The following NIPSNAP3A variants were observed in gnomAD, a reference collection of about 807,000 sequenced individuals.
NIPSNAP3A encodes the protein nipsnap homolog 3A.
A neutral mutation model predicts 32.3 loss-of-function variants in NIPSNAP3A; 27 were observed. That is an observed-to-expected ratio of 0.84 (90% CI 0.62 to 1.15). The LOEUF is 1.15. NIPSNAP3A is among the 50% of genes most tolerant of loss of function. The pLI, the probability that NIPSNAP3A is intolerant of heterozygous loss-of-function variation, is 0.00. For synonymous variants in NIPSNAP3A, 108 were observed against 107.3 expected, an observed-to-expected ratio of 1.01 and a Z score of -0.04; for missense variants, 278 against 297.2, an observed-to-expected ratio of 0.94 and a Z score of 0.48.
rs115287790 is a variant in NIPSNAP3A at position 104,755,658 on chromosome 9, T to A, written c.580+958T>A. Among the ~76,000 whole-genome samples the A allele has an allele frequency of 7.6e-3, 1,150 of 152,266 alleles. 13 individuals are homozygous for A. The highest frequency in any genetic ancestry group is 0.027 in the African/African-American group (1,105 of 41,538). On this transcript the variant is annotated intron_variant, in intron 4 of 5. Transcript: ENST00000374767. The stretch of plus-strand genomic sequence containing the variant: ...ATAAAAGAGCTGATGAGGTAGCTCA[T>A]ACCTGTAATTCCAGCGCTTTTGGGA...
At chr9:104,759,008 G>GGT in intron 4 of NIPSNAP3A, 77 bp from the exon 5 acceptor site, 1 of 1,175,334 alleles carries the variant, frequency 8.5e-7, no homozygotes, top group Non-Finnish European at 1.2e-6. Context: ...AATAGGATGG[G>GGT]TTTGATTCAT....
chr9:104,751,133 A>C lies in NIPSNAP3A; in HGVS notation c.238A>C (p.Arg80=), dbSNP rs1283412648. 6.2e-7 allele frequency: 1 copy of C among 1,613,610 alleles called. No homozygotes were observed. The highest frequency in any genetic ancestry group is 8.5e-7 in the Non-Finnish European group (1 of 1,179,626). Residue 80 remains arginine, a synonymous_variant, in exon 2 of 6, where the codon AGA becomes CGA. Coordinates refer to ENST00000374767, the MANE Select transcript of NIPSNAP3A (RefSeq NM_015469.3). The stretch of plus-strand genomic sequence containing the variant: ...ATACTGGAGTGTAGAATTTGGAGGC[A>C]GAATGAATACAGTGTTTCATATTTG... ...VGYWSVEFGG[R]MNTVFHIWKY...
intron 2 of NIPSNAP3A, among the ~76,000 whole-genome samples, chr9:104,752,500 A>T (rs947930491): frequency 6.6e-6 from 1 of 152,206 alleles, no homozygotes; most frequent in Non-Finnish European, 1.5e-5. Flanking sequence ...TAGTTCACAT[A>T]TACTGAGTAT....
At position 104,757,617 on chromosome 9, in the gene NIPSNAP3A, AC is replaced by A. The variant is rs1405684885; in HGVS notation, c.581-1467del. Reference sequence around the variant, plus strand: ...TGTTAATATTGTTTACATTAAAGAAACATTGGAAATGTAGTATGACCTTCTT... The same window carrying A: ...TGTTAATATTGTTTACATTAAAGAAAATTGGAAATGTAGTATGACCTTCTT... On this transcript the variant is annotated intron_variant, in intron 4 of 5. Coordinates refer to ENST00000374767, the MANE Select transcript of NIPSNAP3A (RefSeq NM_015469.3). 1.1e-4 allele frequency among the ~76,000 whole-genome samples: 17 copies of A among 152,348 alleles called. No homozygotes were observed. The East Asian group carries it at 1.7e-3, about 16-fold the overall frequency.
intron 3 of NIPSNAP3A, chr9:104,753,625 A>T (rs1039771960): frequency 1.6e-4 from 25 of 152,954 alleles, no homozygotes; most frequent in Admixed American, 6.5e-4. Flanking sequence ...TGCTGATTTC[A>T]CTTCTTGCTG....
intron 4 of NIPSNAP3A, among the ~76,000 whole-genome samples, chr9:104,757,002 C>T (rs1220343160): frequency 6.6e-6 from 1 of 151,888 alleles, no homozygotes; most frequent in Non-Finnish European, 1.5e-5. Flanking sequence ...CAGGATTTCA[C>T]CAGGCTGGTC....
intron 1 of NIPSNAP3A, 77 bp downstream of exon 1, chr9:104,747,929 C>A: frequency 1.5e-6 from 2 of 1,366,558 alleles, no homozygotes; most frequent in Non-Finnish European, 2.0e-6. Flanking sequence ...CGGGTACGTG[C>A]GAGCAATGCG....
rs1827941435 is a variant in NIPSNAP3A at position 104,759,047 on chromosome 9, C to CATATTTTT, written c.581-37_581-30dup. 8.3e-6 allele frequency: 13 copies of CATATTTTT among 1,573,580 alleles called. No homozygotes were observed. The East Asian group carries it at 3.0e-4, about 36-fold the overall frequency. On this transcript the variant is annotated intron_variant, in intron 4 of 5. Coordinates refer to ENST00000374767, the MANE Select transcript of NIPSNAP3A (RefSeq NM_015469.3). ...TCTGTTATTTCTTATTTGTTAAGGCCATATTTTTTAGAAGCTACTTGTGGT... is the reference window on the plus strand; with the variant it reads ...TCTGTTATTTCTTATTTGTTAAGGCCATATTTTTATATTTTTTAGAAGCTACTTGTGGT...
In NIPSNAP3A at chr9:104,759,411, A is replaced by C; in HGVS notation, c.*73A>C. The C allele has an allele frequency of 6.9e-7, 1 of 1,446,028 alleles. No homozygotes were observed. The highest frequency in any genetic ancestry group is 9.6e-7 in the Non-Finnish European group (1 of 1,036,644). 89.6% of individuals were successfully genotyped at this position (1,446,028 alleles called of 1,614,324 possible). ...CTGCTAATGGTGCTTAAATTCTCCC[A>C]AGAGGTTCTCACTTTTATTTGAAGG... On this transcript the variant is annotated 3_prime_UTR_variant, in exon 6 of 6. Transcript: ENST00000374767.
chr9:104,747,889 G>T (rs762635103), intron 1 of NIPSNAP3A, 37 bp downstream of exon 1: 8 of 1,431,880 alleles, frequency 5.6e-6, no homozygotes, highest in Non-Finnish European at 6.5e-6. Context: ...TTCACCCGAC[G>T]GGAGGGGAGG....
In NIPSNAP3A at chr9:104,747,697, A is replaced by C; in HGVS notation, c.-96A>C. The stretch of plus-strand genomic sequence containing the variant: ...AGCCCCGCCCCAGCCTGCGTCTGCC[A>C]ATGATCCAGGAGCCGCTCCTTTCCA... On this transcript the variant is annotated 5_prime_UTR_variant, in exon 1 of 6. Coordinates refer to ENST00000374767, the MANE Select transcript of NIPSNAP3A (RefSeq NM_015469.3). The C allele has an allele frequency of 7.6e-7, 1 of 1,309,376 alleles. No homozygotes were observed. 81.1% of individuals were successfully genotyped at this position (1,309,376 alleles called of 1,614,324 possible).
intron 1 of NIPSNAP3A, among the ~76,000 whole-genome samples, chr9:104,748,705 T>A (rs1827810441): frequency 6.6e-6 from 1 of 152,204 alleles, no homozygotes; most frequent in Non-Finnish European, 1.5e-5. Context: ...GAGCAGCTCA[T>A]GTCCATTCAC....
chr9:104,756,981 T>G (rs1827913953), intron 4 of NIPSNAP3A, among the ~76,000 whole-genome samples: 1 of 152,012 alleles, frequency 6.6e-6, no homozygotes, highest in South Asian at 2.1e-4. Context: ...TTTTTGTATT[T>G]TTAGTAGAGA....
At chr9:104,759,050 AT>A (rs1827941468) in intron 4 of NIPSNAP3A, 34 bp from the exon 5 acceptor site, 1 of 1,576,242 alleles carries the variant, frequency 6.3e-7, no homozygotes, top group Admixed American at 1.8e-5. Flanking sequence ...TTAAGGCCAT[AT>A]TTTTTAGAAG....
intron 1 of NIPSNAP3A, among the ~76,000 whole-genome samples, chr9:104,750,584 T>C (rs1351761374): frequency 2.0e-5 from 3 of 152,206 alleles, no homozygotes; most frequent in African/African-American, 7.2e-5. Context: ...TCTTCATTTA[T>C]ATACGGCTTA....
In NIPSNAP3A at chr9:104,754,674, A is replaced by G. The variant is rs1386041931; in HGVS notation, c.554A>G (p.His185Arg). ...LGYTKLVGVF[H>R]TEYGALNRVH... ...TACACAAAACTAGTTGGAGTGTTCC[A>G]CACAGAGTACGGAGCACTCAACAGA... Residue 185 changes from histidine to arginine, a missense_variant, in exon 4 of 6, where the codon CAC (histidine) becomes CGC (arginine). Transcript: ENST00000374767. The G allele has an allele frequency of 1.2e-6, 2 of 1,613,888 alleles. No individual in the cohort carries two copies. Among genetic ancestry groups the G allele is most frequent in the Admixed American group, 3.3e-5 (2 of 60,022 alleles).
intron 4 of NIPSNAP3A, 25 bp downstream of exon 4, chr9:104,754,725 A>G: frequency 2.5e-6 from 4 of 1,594,576 alleles, no homozygotes; most frequent in Non-Finnish European, 3.4e-6. Flanking sequence ...TTCTTCTTAT[A>G]TGAAATTGTA....
intron 3 of NIPSNAP3A, chr9:104,753,944 C>T: frequency 6.6e-6 from 1 of 152,388 alleles, no homozygotes; most frequent in East Asian, 1.9e-4. Flanking sequence ...TTTCTCTCCA[C>T]CAGCCCTATA....
At chr9:104,758,837 G>A (rs1356117286) in intron 4 of NIPSNAP3A, among the ~76,000 whole-genome samples, 2 of 151,514 alleles carry the variant, frequency 1.3e-5, no homozygotes, top group Admixed American at 6.6e-5. Context: ...GGACGTGGTG[G>A]TGGGCGCCTG....
Sources: gnomAD v4.1 joint callset for allele counts (sites outside exome capture counted in the v4.1 genomes callset) on GRCh38, gnomAD v4.1.1 for gene constraint, MANE v1.5 for transcripts, NCBI Gene and HGNC (gene_info 2026-07-23, HGNC 2026-07-21) for gene names.